Variants in ADRA1B observed in about 807,000 individuals in gnomAD.
ADRA1B encodes alpha-1B adrenergic receptor.
ADRA1B carries 17 observed loss-of-function variants against 17.9 expected under a neutral mutation model. The observed-to-expected ratio is 0.95, with a 90% confidence interval of 0.65 to 1.42. The LOEUF is 1.42. ADRA1B is among the 40% of genes most tolerant of loss of function. The pLI is 0.00. For synonymous variants in ADRA1B, 366 were observed against 327.6 expected, an observed-to-expected ratio of 1.12 and a Z score of -1.27; for missense variants, 681 against 722.1, an observed-to-expected ratio of 0.94 and a Z score of 0.65.
chr5:159,930,483 GC>G (rs1459851285), intron 1 of ADRA1B, among the ~76,000 whole-genome samples: 1 of 152,176 alleles, frequency 6.6e-6, no homozygotes, highest in Non-Finnish European at 1.5e-5. Flanking sequence ...ATAAAAATTA[GC>G]CAGAGAATCG....
At chr5:159,947,777 G>A in intron 1 of ADRA1B, 1 of 985,362 alleles carries the variant, frequency 1.0e-6, no homozygotes, top group Non-Finnish European at 1.2e-6. Flanking sequence ...AATCTCTCCA[G>A]CCTAGAGTCT....
intron 1 of ADRA1B, among the ~76,000 whole-genome samples, chr5:159,964,892 T>C (rs1755745682): frequency 6.6e-6 from 1 of 152,174 alleles, no homozygotes. Flanking sequence ...GCTATACTTA[T>C]TGAGTGCTTT....
chr5:159,928,924 A>G (rs1306566103), intron 1 of ADRA1B: 1 of 152,110 alleles, frequency 6.6e-6, no homozygotes, highest in Non-Finnish European at 1.5e-5. Flanking sequence ...TCAGGCCATT[A>G]ATCAGCCCCC....
chr5:159,928,964 C>T (rs908303474), intron 1 of ADRA1B: 3 of 152,198 alleles, frequency 2.0e-5, no homozygotes, highest in African/African-American at 7.2e-5. Context: ...AGGGTCCCTT[C>T]TCCCAGCTTC....
Position 159,917,695 on chromosome 5 carries a change from A to C in ADRA1B, c.790A>C (p.Thr264Pro), listed in dbSNP as rs776503343. ...CCATTCCAAGAACTTTCACGAGGAC[A>C]CCCTTAGCAGTACCAAGGCCAAGGG... ...RIHSKNFHED[T>P]LSSTKAKGHN... The change falls in exon 1 of 2, where the codon ACC becomes CCC. Residue 264 changes from threonine (T) to proline (P), a missense_variant. This residue lies in a region of ADRA1B where 424 missense variants were observed against 480.2 expected (regional missense o/e 0.88). Coordinates refer to ENST00000306675, the MANE Select transcript of ADRA1B (RefSeq NM_000679.4). 1 of 1,613,956 alleles carries C rather than the reference A, an allele frequency of 6.2e-7. No homozygotes were observed. Among genetic ancestry groups the C allele is most frequent in the South Asian group, 1.1e-5 (1 of 91,062 alleles).
At chr5:159,928,631 C>G (rs939521030) in intron 1 of ADRA1B, among the ~76,000 whole-genome samples, 4 of 152,270 alleles carry the variant, frequency 2.6e-5, no homozygotes, top group Middle Eastern at 3.4e-3. Context: ...GAATTTGGGG[C>G]TTGGTTTTGC....
chr5:159,901,465 G>C (rs1484976355), intron 1 of ADRA1B, among the ~76,000 whole-genome samples: 2 of 148,984 alleles, frequency 1.3e-5, no homozygotes, highest in Non-Finnish European at 3.0e-5. Context: ...GGACGGGAAG[G>C]AGAATTTCTG....
intron 1 of ADRA1B, among the ~76,000 whole-genome samples, chr5:159,920,082 G>A (rs576788813): frequency 4.6e-5 from 7 of 152,278 alleles, no homozygotes; most frequent in East Asian, 1.9e-4. Flanking sequence ...TGCCTGGGCC[G>A]AACCCCCAGC....
At chr5:159,974,381 T>C (rs775989806), downstream of ADRA1B, among the ~76,000 whole-genome samples, 2 of 152,170 alleles carry the variant, frequency 1.3e-5, no homozygotes, top group Non-Finnish European at 2.9e-5. Context: ...CACGCCTGTA[T>C]CCCAGCACTT....
intron 1 of ADRA1B, among the ~76,000 whole-genome samples, chr5:159,887,105 C>T (rs988630511): frequency 6.6e-6 from 1 of 152,172 alleles, no homozygotes; most frequent in Non-Finnish European, 1.5e-5. Flanking sequence ...TTCAAAGAAA[C>T]TCTCTGCCTC....
At chr5:159,928,481 T>A (rs774779442) in intron 1 of ADRA1B, among the ~76,000 whole-genome samples, 2 of 152,182 alleles carry the variant, frequency 1.3e-5, no homozygotes, top group Non-Finnish European at 2.9e-5. Flanking sequence ...CAACGAGCAG[T>A]TCAGTTTAAA....
intron 1 of ADRA1B, among the ~76,000 whole-genome samples, chr5:159,873,533 C>T (rs909189417): frequency 1.3e-5 from 2 of 152,238 alleles, no homozygotes; most frequent in Non-Finnish European, 2.9e-5. Flanking sequence ...ATAAACATCA[C>T]AGTTCAACTT....
rs1382717226 is a variant in ADRA1B, at chr5:159,961,794, GC to G, written c.950-10082del. On this transcript the variant is annotated intron_variant, in intron 1 of 1. Transcript: ENST00000306675. ...AATCCCAGAGTCCCAGAATGTCAGG[GC>G]CCAGAGGGATGTTAGAAACCACCCA... Among the ~76,000 whole-genome samples the G allele has an allele frequency of 3.3e-5, 5 of 152,318 alleles. No individual in the cohort carries two copies. The East Asian group carries it at 9.6e-4, about 29-fold the overall frequency.
intron 1 of ADRA1B, among the ~76,000 whole-genome samples, chr5:159,930,580 A>AAAAC (rs1204052613): frequency 6.6e-6 from 1 of 152,244 alleles, no homozygotes; most frequent in Non-Finnish European, 1.5e-5. Flanking sequence ...CTCCATCTCA[A>AAAAC]AAACAAACAA....
chr5:159,986,016 G>A, the ADRA1B span, among the ~76,000 whole-genome samples: 1 of 152,202 alleles, frequency 6.6e-6, no homozygotes, highest in Non-Finnish European at 1.5e-5. Context: ...TTATTAAGAA[G>A]GTGGTGGGAA....
At chr5:159,909,505 C>G (rs936552316) in intron 1 of ADRA1B, among the ~76,000 whole-genome samples, 15 of 151,990 alleles carry the variant, frequency 9.9e-5, no homozygotes, top group Non-Finnish European at 1.9e-4. Flanking sequence ...GTTCAGAGAG[C>G]ACAAAAAAAG....
In ADRA1B at chr5:159,938,300, G is replaced by A. The variant is rs1054409031; in HGVS notation, c.949+20446G>A. Among the ~76,000 whole-genome samples, 21 of 152,236 alleles carry A rather than the reference G, an allele frequency of 1.4e-4. No homozygotes were observed. The South Asian group carries it at 2.3e-3, about 17-fold the overall frequency. ...TCCTCAGGTGTTAATTCATAATAAT[G>A]GTTTTCTGCATTTGCCTCCAAAATG... is the stretch of plus-strand genomic sequence containing the variant. On this transcript the variant is annotated intron_variant, in intron 1 of 1. Transcript: ENST00000306675.
chr5:159,988,604 T>A, the ADRA1B span, among the ~76,000 whole-genome samples: 1 of 152,130 alleles, frequency 6.6e-6, no homozygotes, highest in African/African-American at 2.4e-5. Flanking sequence ...TTTACTGAAC[T>A]CACCCATGCC....
chr5:159,898,342 GA>G (rs1436613468), intron 1 of ADRA1B, among the ~76,000 whole-genome samples: 2 of 152,222 alleles, frequency 1.3e-5, no homozygotes, highest in African/African-American at 4.8e-5. Context: ...GGAGGGCAGA[GA>G]AAACTATCGC....
Sources: gnomAD v4.1 joint callset for allele counts (sites outside exome capture counted in the v4.1 genomes callset) on GRCh38, gnomAD v4.1.1 for gene constraint, gnomAD v4.1.1 regional missense constraint, MANE v1.5 for transcripts, NCBI Gene and HGNC (gene_info 2026-07-23, HGNC 2026-07-21) for gene names.